TMEM123: variants seen among roughly 807,000 people sequenced by gnomAD.
TMEM123 encodes transmembrane protein 123.
TMEM123 carries 16 observed loss-of-function variants against 19.7 expected under a neutral mutation model. That is an observed-to-expected ratio of 0.81 (90% CI 0.55 to 1.23). The LOEUF is 1.23. TMEM123 is among the 50% of genes most tolerant of loss of function. The probability of loss-of-function intolerance (pLI) is 0.00; values close to 1 mark genes in which losing one functional copy is unlikely to be tolerated. For missense variants in TMEM123, 313 were observed against 257.8 expected (o/e 1.21, Z -1.47); for synonymous variants, 118 against 99.4 (o/e 1.19, Z -1.12).
At chr11:102,408,612 G>A (rs1357340031) in intron 2 of TMEM123, among the ~76,000 whole-genome samples, 1 of 152,304 alleles carries the variant, frequency 6.6e-6, no homozygotes, top group South Asian at 2.1e-4. Context: ...CACAGTCCCT[G>A]AGAAGTGCTC....
At chr11:102,437,406 T>C (rs1432332815) in intron 2 of TMEM123, among the ~76,000 whole-genome samples, 1 of 150,170 alleles carries the variant, frequency 6.7e-6, no homozygotes, top group Non-Finnish European at 1.5e-5. Context: ...TTCAGTGAGT[T>C]GAGATCGAGC....
intron 2 of TMEM123, among the ~76,000 whole-genome samples, chr11:102,437,041 A>T (rs945741395): frequency 5.9e-5 from 9 of 152,202 alleles, no homozygotes; most frequent in South Asian, 2.1e-4. Context: ...GAAAAGGAAA[A>T]AAACCAAATA....
Position 102,397,111 on chromosome 11 carries a change from T to C in TMEM123, c.*1756A>G, listed in dbSNP as rs1015163575. 1 of 152,214 alleles carries C rather than the reference T, an allele frequency of 6.6e-6. No homozygotes were observed. Among genetic ancestry groups the C allele is most frequent in the Non-Finnish European group, 1.5e-5 (1 of 68,026 alleles). 9.4% of individuals were successfully genotyped at this position (152,214 alleles called of 1,614,324 possible). On this transcript the variant is annotated 3_prime_UTR_variant, in exon 5 of 5. Coordinates refer to ENST00000398136, the MANE Select transcript of TMEM123 (RefSeq NM_052932.3). ...CTCCTTCAAACTAAACTAATCTAAA[T>C]GTATTTTTCAGAAAATTTCCTCCAT... is the stretch of plus-strand genomic sequence containing the variant.
intron 2 of TMEM123, among the ~76,000 whole-genome samples, chr11:102,412,386 C>T (rs1952012934): frequency 6.6e-6 from 1 of 152,202 alleles, no homozygotes. Context: ...CGAGATCGTA[C>T]CATTGCACTC....
At chr11:102,408,021 A>G (rs1243610946) in intron 2 of TMEM123, among the ~76,000 whole-genome samples, 1 of 152,236 alleles carries the variant, frequency 6.6e-6, no homozygotes, top group African/African-American at 2.4e-5. Context: ...ACTAGTCACC[A>G]TGATATGAAG....
intron 2 of TMEM123, among the ~76,000 whole-genome samples, chr11:102,425,438 C>G (rs1378969821): frequency 1.3e-5 from 2 of 152,170 alleles, no homozygotes; most frequent in Non-Finnish European, 2.9e-5. Context: ...TTCCTTCCCC[C>G]TCACCACTGT....
Position 102,402,167 on chromosome 11 carries a change from G to A in TMEM123, c.197C>T (p.Thr66Ile). ...QHVPSDHTNE[T>I]SNSTVKPPTS... is the part of the protein sequence containing the mutation. ...TGGTGGTTTCACAGTACTGTTGGAA[G>A]TTTCATTTGTATGGTCAGAAGGCAC... The change falls in exon 3 of 5, where the codon ACT becomes ATT. Residue 66 changes from threonine (T) to isoleucine (I), a missense_variant. Transcript: ENST00000398136. The A allele has an allele frequency of 6.2e-7, 1 of 1,614,134 alleles. No homozygotes were observed. Among genetic ancestry groups the A allele is most frequent in the South Asian group, 1.1e-5 (1 of 91,088 alleles).
Position 102,401,568 on chromosome 11 carries a change from G to GTAA in TMEM123, c.570_572dup (p.Tyr191dup), listed in dbSNP as rs2135841293. The stretch of plus-strand genomic sequence containing the variant: ...TTCGATACCGAATGCCTCTTCTTGA[G>GTAA]TAATACATTTTGCATCCAATGTAAA... On this transcript the variant is annotated inframe_insertion, in exon 4 of 5. Coordinates refer to ENST00000398136, the MANE Select transcript of TMEM123 (RefSeq NM_052932.3). 1 of 1,592,620 alleles carries GTAA rather than the reference G, an allele frequency of 6.3e-7. No homozygotes were observed.
chr11:102,434,668 T>C (rs1828793498), intron 2 of TMEM123, among the ~76,000 whole-genome samples: 1 of 151,940 alleles, frequency 6.6e-6, no homozygotes, highest in Non-Finnish European at 1.5e-5. Context: ...AGACCAATGT[T>C]GTGTAGTTTT....
chr11:102,400,815 G>A (rs995877108), intron 4 of TMEM123, among the ~76,000 whole-genome samples: 1 of 152,212 alleles, frequency 6.6e-6, no homozygotes, highest in African/African-American at 2.4e-5. Flanking sequence ...GCCTCCGGAA[G>A]TGTGAGAACT....
At chr11:102,443,734 GA>G (rs773777165) in intron 2 of TMEM123, among the ~76,000 whole-genome samples, 32 of 152,248 alleles carry the variant, frequency 2.1e-4, no homozygotes, top group Admixed American at 3.3e-4. Flanking sequence ...CATGGCAAAA[GA>G]AACTACCATC....
At chr11:102,408,064 A>G (rs1233182704) in intron 2 of TMEM123, among the ~76,000 whole-genome samples, 7 of 152,212 alleles carry the variant, frequency 4.6e-5, no homozygotes, top group African/African-American at 1.2e-4. Context: ...ACCACTCACA[A>G]AACTTGTTTT....
intron 2 of TMEM123, among the ~76,000 whole-genome samples, chr11:102,416,536 AG>A (rs1454226764): frequency 1.3e-5 from 2 of 152,158 alleles, no homozygotes; most frequent in Non-Finnish European, 2.9e-5. Context: ...TCTACCAATC[AG>A]GAAAAGCCTT....
At chr11:102,423,052 A>G (rs1236822437) in intron 2 of TMEM123, among the ~76,000 whole-genome samples, 1 of 152,206 alleles carries the variant, frequency 6.6e-6, no homozygotes, top group Non-Finnish European at 1.5e-5. Flanking sequence ...GCTAAATCCT[A>G]GCTCAAGCTG....
intron 2 of TMEM123, among the ~76,000 whole-genome samples, chr11:102,431,746 G>GT (rs1857712110): frequency 6.6e-6 from 1 of 152,218 alleles, no homozygotes; most frequent in East Asian, 1.9e-4. Context: ...TGGGCTGGCT[G>GT]TGTCCCCACC....
chr11:102,447,113 A>G (rs905777715), intron 2 of TMEM123, among the ~76,000 whole-genome samples: 13 of 152,208 alleles, frequency 8.5e-5, no homozygotes, highest in Admixed American at 2.0e-4. Flanking sequence ...CATTTTTAAT[A>G]GTTGTATTAT....
Position 102,448,865 on chromosome 11 carries a change from G to A in TMEM123, c.104C>T (p.Ser35Phe). ...AAGCCCAGAATTCTCTATGTTTGCA[G>A]ATGCTGTAAAAATAAAGAAATATCC... ...AAHESAAMAA[S>F]ANIENSGLPH... Residue 35 changes from serine (S) to phenylalanine (F), a missense_variant, in exon 2 of 5, where the codon TCT becomes TTT. Transcript: ENST00000398136. 1.2e-6 allele frequency: 2 copies of A among 1,613,612 alleles called. No homozygotes were observed. The highest frequency in any genetic ancestry group is 1.7e-6 in the Non-Finnish European group (2 of 1,179,670).
chr11:102,445,123 A>G (rs1022715103), intron 2 of TMEM123, among the ~76,000 whole-genome samples: 3 of 152,252 alleles, frequency 2.0e-5, no homozygotes, highest in African/African-American at 7.2e-5. Context: ...ATACATACGT[A>G]ACAAATCTGC....
In TMEM123 at chr11:102,445,079, G is replaced by C. The variant is rs146959461; in HGVS notation, c.157+3733C>G. On this transcript the variant is annotated intron_variant, in intron 2 of 4. Coordinates refer to ENST00000398136, the MANE Select transcript of TMEM123 (RefSeq NM_052932.3). ...AGATAATACCTAATGTAAATGATGCGTTAATGGGTGTAGCACACCAACATG... is the reference window on the plus strand; with the variant it reads ...AGATAATACCTAATGTAAATGATGCCTTAATGGGTGTAGCACACCAACATG... Among the ~76,000 whole-genome samples, 114 of 152,094 alleles carry C rather than the reference G, an allele frequency of 7.5e-4. 1 individual carries two copies. The highest frequency in any genetic ancestry group is 2.5e-3 in the African/African-American group (103 of 41,464).
Sources: gnomAD v4.1 joint callset for allele counts (sites outside exome capture counted in the v4.1 genomes callset) on GRCh38, gnomAD v4.1.1 for gene constraint, MANE v1.5 for transcripts, NCBI Gene and HGNC (gene_info 2026-07-23, HGNC 2026-07-21) for gene names.